Variants in PRDM5 observed in about 807,000 individuals in gnomAD.
The protein encoded by PRDM5 is PR domain zinc finger protein 5.
Under a neutral mutation model 81.2 loss-of-function variants are expected in PRDM5, and 56 were observed. The observed-to-expected ratio is 0.69, with a 90% CI of 0.56 to 0.86. PRDM5 has a LOEUF of 0.86. Ranked by LOEUF, PRDM5 falls within the 40% of genes least tolerant of loss-of-function variation. The probability of loss-of-function intolerance (pLI) is 0.00; values close to 1 mark genes in which losing one functional copy is unlikely to be tolerated. For missense variants in PRDM5, 697 were observed against 770.1 expected (o/e 0.91, Z 1.12); for synonymous variants, 267 against 256.4 (o/e 1.04, Z -0.39).
chr4:120,707,168 A>C (rs531779313), intron 15 of PRDM5, among the ~76,000 whole-genome samples: 1 of 152,266 alleles, frequency 6.6e-6, no homozygotes, highest in East Asian at 1.9e-4. Context: ...AAAATCCTAA[A>C]ACAAACAAAC....
chr4:120,810,949 C>T lies in PRDM5; in HGVS notation c.945+421G>A, dbSNP rs1244239148. On this transcript the variant is annotated intron_variant, in intron 8 of 15. Transcript: ENST00000264808. ...AGTCCTGTCAAATTACTTTGTAATA[C>T]ATCTATATATAAACAGAAACAAAAA... Among the ~76,000 whole-genome samples the T allele has an allele frequency of 2.6e-5, 4 of 152,106 alleles. No individual in the cohort carries two copies. The East Asian group carries it at 5.8e-4, about 22-fold the overall frequency.
chr4:120,869,788 C>T (rs371476070), intron 2 of PRDM5, among the ~76,000 whole-genome samples: 1 of 151,974 alleles, frequency 6.6e-6, no homozygotes, highest in African/African-American at 2.4e-5. Context: ...GTCTTTGATC[C>T]TCCTTTGCCA....
intron 2 of PRDM5, among the ~76,000 whole-genome samples, chr4:120,878,191 T>C (rs1762509097): frequency 1.3e-5 from 2 of 152,110 alleles, no homozygotes; most frequent in South Asian, 4.1e-4. Context: ...ATGACCTTTC[T>C]CCCTAAGAAA....
At chr4:120,717,474 T>A (rs1046633029) in intron 14 of PRDM5, among the ~76,000 whole-genome samples, 2 of 152,226 alleles carry the variant, frequency 1.3e-5, no homozygotes, top group Non-Finnish European at 2.9e-5. Flanking sequence ...AAAAGAACAG[T>A]ATCTTCAAAT....
intron 2 of PRDM5, among the ~76,000 whole-genome samples, chr4:120,890,574 C>T (rs778556797): frequency 3.9e-5 from 6 of 152,222 alleles, no homozygotes; most frequent in Non-Finnish European, 8.8e-5. Flanking sequence ...AACTTATTTA[C>T]ATTTCCACCA....
At chr4:120,722,060 G>A (rs1425665606) in intron 14 of PRDM5, among the ~76,000 whole-genome samples, 2 of 152,184 alleles carry the variant, frequency 1.3e-5, no homozygotes, top group East Asian at 1.9e-4. Context: ...TGCCCCTGAA[G>A]GCAAGGGAGA....
At chr4:120,833,770 C>T (rs1010633325) in intron 3 of PRDM5, among the ~76,000 whole-genome samples, 6 of 152,016 alleles carry the variant, frequency 3.9e-5, no homozygotes, top group Non-Finnish European at 7.4e-5. Context: ...CAGGCATTCA[C>T]GGGGGATCTT....
intron 15 of PRDM5, 71 bp downstream of exon 15, chr4:120,710,238 C>T (rs1215269931): frequency 2.5e-6 from 3 of 1,190,450 alleles, no homozygotes; most frequent in Non-Finnish European, 3.7e-6. Flanking sequence ...CACACACACA[C>T]ATACACACAC....
At chr4:120,788,221 TTAAC>T (rs1245531469) in intron 10 of PRDM5, among the ~76,000 whole-genome samples, 1 of 152,158 alleles carries the variant, frequency 6.6e-6, no homozygotes, top group Admixed American at 6.6e-5. Context: ...ATAAACCTGG[TTAAC>T]TAAACTGTAG....
rs1307352566 is a variant in PRDM5 at position 120,888,066 on chromosome 4, AC to A, written c.177+19407del. Among the ~76,000 whole-genome samples the A allele has an allele frequency of 3.6e-5, 2 of 55,776 alleles. 1 individual carries two copies. The allele number at this position is 55,776 out of a possible 152,430, so 36.6% of individuals were successfully genotyped here. ...CTCGGCCTCCCAAAGTGCTGGGATT[AC>A]AGGCGTGAGCCACCGCGCCCGGCCG... On this transcript the variant is annotated intron_variant, in intron 2 of 15. Coordinates refer to ENST00000264808, the MANE Select transcript of PRDM5 (RefSeq NM_018699.4).
rs1452884848 is a variant in PRDM5, at chr4:120,785,083, A to C, written c.1197T>G (p.Ser399=). 2 of 1,610,190 alleles carry C rather than the reference A, an allele frequency of 1.2e-6. No homozygotes were observed. Among genetic ancestry groups the C allele is most frequent in the African/African-American group, 2.7e-5 (2 of 74,820 alleles). Residue 399 remains serine (S), a synonymous_variant, in exon 11 of 16, where the codon TCT becomes TCG. Transcript: ENST00000264808. ...NVYKNHKKTH[S]EERPFQCEEC... ...CTTCACATTGGAACGGTCTCTCCTC[A>C]GAGTGGGTCTGCAGAGGAAAAACAC...
intron 2 of PRDM5, among the ~76,000 whole-genome samples, chr4:120,863,187 TATATACAC>T (rs1240757068): frequency 2.5e-5 from 1 of 40,144 alleles, no homozygotes; most frequent in Admixed American, 2.2e-4. Context: ...TATATATATA[TATATACAC>T]ACACACACAC....
chr4:120,725,856 T>G (rs767311251), intron 14 of PRDM5, among the ~76,000 whole-genome samples: 1 of 152,164 alleles, frequency 6.6e-6, no homozygotes, highest in Non-Finnish European at 1.5e-5. Context: ...ACGTACTAGA[T>G]AAGAAGAATT....
chr4:120,799,774 C>A, intron 8 of PRDM5, 29 bp from the exon 9 acceptor site: 1 of 1,605,896 alleles, frequency 6.2e-7, no homozygotes, highest in South Asian at 1.1e-5. Context: ...ACAGTTAAAT[C>A]AACTGTCAAA....
At chr4:120,824,252 C>T (rs1338532139) in intron 3 of PRDM5, among the ~76,000 whole-genome samples, 1 of 152,186 alleles carries the variant, frequency 6.6e-6, no homozygotes, top group Non-Finnish European at 1.5e-5. Flanking sequence ...TAGCAATAAC[C>T]TTGTGGTTCA....
At chr4:120,796,811 T>A (rs1379965256) in intron 10 of PRDM5, among the ~76,000 whole-genome samples, 1 of 152,196 alleles carries the variant, frequency 6.6e-6, no homozygotes, top group South Asian at 2.1e-4. Context: ...AATGAAGTCT[T>A]TGGAAGTATC....
chr4:120,907,352 C>T (rs1386805689), intron 2 of PRDM5, 122 bp downstream of exon 2: 1 of 796,376 alleles, frequency 1.3e-6, no homozygotes, highest in Non-Finnish European at 2.0e-6. Flanking sequence ...AAAAAAAAAA[C>T]CTAAAACATT....
At chr4:120,893,266 C>T (rs1764257240) in intron 2 of PRDM5, among the ~76,000 whole-genome samples, 1 of 152,190 alleles carries the variant, frequency 6.6e-6, no homozygotes, top group Admixed American at 6.5e-5. Context: ...CCGAGAGGTT[C>T]TCCTGCACTG....
At position 120,921,244 on chromosome 4, in the gene PRDM5, G is replaced by A. The variant is rs72923589; in HGVS notation, c.93+1272C>T. ...CAACTCTGTACAGACGTCATTTGGT[G>A]ATGGTTGTATTTGGCCTTCAAAAAA... On this transcript the variant is annotated intron_variant, in intron 1 of 15. Coordinates refer to ENST00000264808, the MANE Select transcript of PRDM5 (RefSeq NM_018699.4). Among the ~76,000 whole-genome samples, 541 of 152,316 alleles carry A rather than the reference G, an allele frequency of 3.6e-3. 4 individuals carry two copies. Among genetic ancestry groups the A allele is most frequent in the African/African-American group, 0.013 (522 of 41,572 alleles).
Sources: allele counts gnomAD v4.1 joint callset (sites outside exome capture counted in the v4.1 genomes callset), GRCh38; gene constraint gnomAD v4.1.1; transcripts MANE v1.5; gene names NCBI Gene and HGNC (gene_info 2026-07-23, HGNC 2026-07-21).